Variants in DNAH6 observed in about 807,000 individuals in gnomAD.
DNAH6 encodes dynein axonemal heavy chain 6.
In DNAH6, 340 loss-of-function variants were observed where a neutral mutation model predicts 491.4. That is an observed-to-expected ratio of 0.69 (90% CI 0.63 to 0.76). The LOEUF (loss-of-function observed/expected upper bound fraction) is 0.76. DNAH6 is among the 30% of genes least tolerant of loss of function. DNAH6 has a pLI of 0.00. For synonymous variants in DNAH6, 1,603 were observed against 1,686.1 expected (o/e 0.95, Z 1.21); for missense variants, 4,443 against 4,972.2 (o/e 0.89, Z 3.20).
chr2:84,639,172 G>A (rs555912225), intron 31 of DNAH6, among the ~76,000 whole-genome samples: 2 of 152,232 alleles, frequency 1.3e-5, no homozygotes, highest in Admixed American at 6.5e-5. Flanking sequence ...GGGGCAGTTA[G>A]GACAGGTAGT....
the DNAH6 span, among the ~76,000 whole-genome samples, chr2:84,475,336 G>T: frequency 1.3e-5 from 2 of 152,146 alleles, no homozygotes; most frequent in Non-Finnish European, 2.9e-5. Flanking sequence ...AGTTTGTTGA[G>T]GGGCTCAAGG....
intron 39 of DNAH6, 86 bp downstream of exon 39, chr2:84,670,561 G>A (rs769176985): frequency 4.4e-5 from 43 of 974,118 alleles, no homozygotes; most frequent in Non-Finnish European, 2.4e-5. Flanking sequence ...TAAAATGACA[G>A]TTGGATATTT....
intron 67 of DNAH6, among the ~76,000 whole-genome samples, chr2:84,786,439 A>G (rs926687818): frequency 9.2e-5 from 14 of 151,364 alleles, no homozygotes; most frequent in African/African-American, 1.9e-4. Flanking sequence ...AAAAAAAAAA[A>G]AAAAAAGAAA....
chr2:84,555,547 G>A (rs928219536), intron 10 of DNAH6, among the ~76,000 whole-genome samples: 4 of 152,016 alleles, frequency 2.6e-5, no homozygotes, highest in African/African-American at 9.7e-5. Flanking sequence ...GGATGCAGAC[G>A]TAAACATATA....
chr2:84,742,755 CTT>C (rs1279774952), intron 62 of DNAH6, among the ~76,000 whole-genome samples: 1 of 152,062 alleles, frequency 6.6e-6, no homozygotes, highest in Non-Finnish European at 1.5e-5. Flanking sequence ...CATCCACACT[CTT>C]TATTTTCCCC....
At chr2:84,716,150 CAT>C (rs1046348127) in intron 58 of DNAH6, among the ~76,000 whole-genome samples, 1 of 148,764 alleles carries the variant, frequency 6.7e-6, no homozygotes, top group African/African-American at 2.5e-5. Context: ...CATATATATA[CAT>C]ATATATGGGT....
chr2:84,495,215 A>G, the DNAH6 span, among the ~76,000 whole-genome samples: 524 of 152,306 alleles, frequency 3.4e-3, 1 homozygote, highest in African/African-American at 0.011. Context: ...CCCAGTCTGG[A>G]ATGCAATGGC....
intron 62 of DNAH6, 88 bp from the exon 63 acceptor site, chr2:84,744,992 T>C (rs1573675923): frequency 6.7e-6 from 6 of 893,266 alleles, no homozygotes; most frequent in African/African-American, 5.1e-5. Flanking sequence ...ATAGTAAATA[T>C]AGAGATATTT....
intron 49 of DNAH6, 131 bp downstream of exon 49, chr2:84,701,470 A>C: frequency 1.1e-6 from 1 of 927,728 alleles, no homozygotes; most frequent in Non-Finnish European, 1.6e-6. Context: ...GCTATAAAGA[A>C]ATACCTGAGA....
Position 84,544,327 on chromosome 2 carries a change from G to A in DNAH6, c.757G>A (p.Glu253Lys), listed in dbSNP as rs758329151. Reference protein sequence around the residue: ...HIYNEDIEFIEIDRWEQEYLY... With the variant: ...HIYNEDIEFIKIDRWEQEYLY... ...TTATAATGAAGACATTGAATTTATC[G>A]AAATTGATCGATGGGAACAGGAATA... Residue 253 changes from glutamate (E) to lysine (K), a missense_variant, in exon 5 of 77, where the codon GAA becomes AAA. This residue lies in a region of DNAH6 where 2,977 missense variants were observed against 3,296.6 expected (regional missense o/e 0.90). Transcript: ENST00000389394. 6.0e-5 allele frequency: 93 copies of A among 1,541,666 alleles called. No individual in the cohort carries two copies. The highest frequency in any genetic ancestry group is 1.5e-4 in the East Asian group (6 of 40,744).
chr2:84,499,751 A>G, the DNAH6 span, among the ~76,000 whole-genome samples: 4 of 152,216 alleles, frequency 2.6e-5, no homozygotes, highest in Non-Finnish European at 4.4e-5. Flanking sequence ...GTGAAATGAC[A>G]TCTCATAGTA....
At chr2:84,522,904 A>G (rs1432859318) in intron 2 of DNAH6, among the ~76,000 whole-genome samples, 1 of 152,056 alleles carries the variant, frequency 6.6e-6, no homozygotes, top group African/African-American at 2.4e-5. Flanking sequence ...ATGTTTGTCA[A>G]GGATGTTGGC....
At chr2:84,810,284 T>C (rs980339513) in intron 72 of DNAH6, among the ~76,000 whole-genome samples, 8 of 152,242 alleles carry the variant, frequency 5.3e-5, no homozygotes, top group African/African-American at 1.9e-4. Context: ...ACACTCGTCA[T>C]CTTTGTTTCC....
intron 36 of DNAH6, 67 bp downstream of exon 36, chr2:84,658,541 G>A: frequency 9.1e-7 from 1 of 1,101,248 alleles, no homozygotes; most frequent in South Asian, 2.3e-5. Flanking sequence ...TCTTTGCAAA[G>A]AAATGACTCC....
At chr2:84,609,561 A>G (rs1686117664) in intron 21 of DNAH6, among the ~76,000 whole-genome samples, 1 of 152,108 alleles carries the variant, frequency 6.6e-6, no homozygotes, top group South Asian at 2.1e-4. Context: ...ACGAATAGAC[A>G]TAATACTTAT....
intron 61 of DNAH6, among the ~76,000 whole-genome samples, chr2:84,729,810 T>A (rs1183954579): frequency 3.3e-5 from 5 of 152,218 alleles, no homozygotes; most frequent in African/African-American, 1.2e-4. Context: ...ATATGGTCAC[T>A]TCATTTAATA....
intron 18 of DNAH6, among the ~76,000 whole-genome samples, chr2:84,602,246 T>C (rs543691379): frequency 3.3e-5 from 5 of 152,200 alleles, no homozygotes; most frequent in African/African-American, 1.2e-4. Flanking sequence ...GAATATCCTT[T>C]AATATTTCTT....
chr2:84,571,466 C>T (rs1681861467), intron 11 of DNAH6, among the ~76,000 whole-genome samples: 1 of 152,180 alleles, frequency 6.6e-6, no homozygotes, highest in Non-Finnish European at 1.5e-5. Context: ...AAATAACATA[C>T]ATCACTTATG....
intron 63 of DNAH6, among the ~76,000 whole-genome samples, chr2:84,747,260 G>T (rs1558992064): frequency 1.3e-5 from 2 of 152,136 alleles, no homozygotes; most frequent in South Asian, 2.1e-4. Context: ...CCCAAGGCAA[G>T]TTCCTTCCAC....
Sources: allele counts gnomAD v4.1 joint callset (sites outside exome capture counted in the v4.1 genomes callset), GRCh38; gene constraint gnomAD v4.1.1; regional missense constraint gnomAD v4.1.1; transcripts MANE v1.5; gene names NCBI Gene and HGNC (gene_info 2026-07-23, HGNC 2026-07-21).